Variants in GLIS3 observed in about 807,000 individuals in gnomAD.
GLIS3 encodes GLIS family zinc finger 3, also known as zinc finger protein GLIS3.
In GLIS3, 53 loss-of-function variants were observed where a neutral mutation model predicts 78.6. That is an observed-to-expected ratio of 0.67 (90% confidence interval 0.54 to 0.85). The LOEUF (loss-of-function observed/expected upper bound fraction) is 0.85, where lower values mean the gene tolerates loss of function less well. Ranked by LOEUF, GLIS3 falls within the 40% of genes least tolerant of loss-of-function variation. GLIS3 has a pLI of 0.00. For synonymous variants in GLIS3, 684 were observed against 509.9 expected, an observed-to-expected ratio of 1.34 and a Z score of -4.60; for missense variants, 1,703 against 1,231.1, an observed-to-expected ratio of 1.38 and a Z score of -5.74.
chr9:3,932,293 G>A, intron 6 of GLIS3, 67 bp downstream of exon 6: 2 of 1,237,080 alleles, frequency 1.6e-6, no homozygotes, highest in Non-Finnish European at 2.4e-6. Flanking sequence ...CCCTGCAGAA[G>A]CTTCGTGTAC....
chr9:3,983,599 C>A (rs1420433427), intron 4 of GLIS3, among the ~76,000 whole-genome samples: 1 of 152,144 alleles, frequency 6.6e-6, no homozygotes, highest in Non-Finnish European at 1.5e-5. Context: ...AAAGTCCAGG[C>A]TGAGGTGGTC....
chr9:3,868,005 C>G (rs1820712646), intron 8 of GLIS3, among the ~76,000 whole-genome samples: 1 of 151,874 alleles, frequency 6.6e-6, no homozygotes, highest in African/African-American at 2.4e-5. Context: ...CAGAGGATGA[C>G]ATGGATGTCA....
At chr9:4,381,410 C>G in the GLIS3 span, among the ~76,000 whole-genome samples, 1 of 152,082 alleles carries the variant, frequency 6.6e-6, no homozygotes, top group Non-Finnish European at 1.5e-5. Context: ...TCTTTGGATC[C>G]CCAGAGCCTA....
In GLIS3 at chr9:3,861,717, T is replaced by C. The variant is rs182051363; in HGVS notation, c.2298-5533A>G. On this transcript the variant is annotated intron_variant, in intron 8 of 10. Coordinates refer to ENST00000381971, the MANE Select transcript of GLIS3 (RefSeq NM_001042413.2). Reference sequence around the variant, plus strand: ...ACCAAACACTGAATGTTCTCACTTATAAGTGGGAGCTGAACAATGAGAACA... The same window carrying C: ...ACCAAACACTGAATGTTCTCACTTACAAGTGGGAGCTGAACAATGAGAACA... Among the ~76,000 whole-genome samples the C allele has an allele frequency of 2.9e-3, 436 of 152,232 alleles. 2 individuals are homozygous for C. Among genetic ancestry groups the C allele is most frequent in the African/African-American group, 9.7e-3 (405 of 41,544 alleles).
intron 2 of GLIS3, among the ~76,000 whole-genome samples, chr9:4,126,380 C>T (rs1832578795): frequency 6.6e-6 from 1 of 152,202 alleles, no homozygotes; most frequent in African/African-American, 2.4e-5. Flanking sequence ...CAAATCTGTA[C>T]TTCCAAAAAG....
intron 4 of GLIS3, among the ~76,000 whole-genome samples, chr9:4,019,751 GA>G (rs888273014): frequency 6.6e-6 from 1 of 152,100 alleles, no homozygotes. Flanking sequence ...TTTACTTTTA[GA>G]GACAGTGTCT....
At chr9:3,876,153 A>G (rs988683546) in intron 8 of GLIS3, among the ~76,000 whole-genome samples, 1 of 152,050 alleles carries the variant, frequency 6.6e-6, no homozygotes, top group Non-Finnish European at 1.5e-5. Context: ...AATATTTACA[A>G]TGAATCTGTT....
chr9:3,839,723 C>A (rs530494424), intron 9 of GLIS3, among the ~76,000 whole-genome samples: 1 of 152,236 alleles, frequency 6.6e-6, no homozygotes, highest in African/African-American at 2.4e-5. Flanking sequence ...AGGCTCATGA[C>A]CAAATCAATT....
intron 2 of GLIS3, among the ~76,000 whole-genome samples, chr9:4,207,312 G>C (rs1276851178): frequency 6.6e-6 from 1 of 152,144 alleles, no homozygotes; most frequent in African/African-American, 2.4e-5. Flanking sequence ...ATTTACAACA[G>C]CCAGCATGAC....
intron 2 of GLIS3, among the ~76,000 whole-genome samples, chr9:4,213,943 C>A (rs1220306416): frequency 2.5e-5 from 3 of 119,468 alleles, no homozygotes; most frequent in Non-Finnish European, 1.8e-5. Flanking sequence ...AAAAAAAAAA[C>A]AACTAAAACT....
rs369568556 is a variant in GLIS3 at position 3,889,562 on chromosome 9, T to C, written c.2128+9129A>G. 4.4e-4 allele frequency among the ~76,000 whole-genome samples: 67 copies of C among 152,354 alleles called. 1 individual carries two copies. The highest frequency in any genetic ancestry group is 1.6e-3 in the African/African-American group (66 of 41,586). ...TATTACATGATCCTAAACTGTCTTA[T>C]AATACATTCTCCTCTTTAATTCATT... On this transcript the variant is annotated intron_variant, in intron 7 of 10. Transcript: ENST00000381971.
At chr9:3,949,033 A>C (rs1374428268) in intron 4 of GLIS3, among the ~76,000 whole-genome samples, 2 of 152,230 alleles carry the variant, frequency 1.3e-5, no homozygotes, top group African/African-American at 4.8e-5. Context: ...GTAAGTGAAG[A>C]GCCTCAACTA....
At chr9:3,867,128 G>C (rs1820638997) in intron 8 of GLIS3, among the ~76,000 whole-genome samples, 1 of 152,186 alleles carries the variant, frequency 6.6e-6, no homozygotes, top group Admixed American at 6.5e-5. Context: ...TAACTATATA[G>C]ACTTAACTCT....
rs1817748131 is a variant in GLIS3, at chr9:3,826,741, T to G, written c.*1531A>C. The G allele has an allele frequency of 6.6e-6, 1 of 152,208 alleles. No individual in the cohort carries two copies. The highest frequency in any genetic ancestry group is 2.4e-5 in the African/African-American group (1 of 41,454). The allele number at this position is 152,208 out of a possible 1,614,324, so 9.4% of individuals were successfully genotyped here. A position where few individuals can be genotyped will look rare whatever the true frequency, so the allele number is the denominator to read the frequency against. ...AGAATCCCATCTAACATCAAGCTGT[T>G]TTAGTTGTCTTGTTGAAGATTGTAA... is the stretch of plus-strand genomic sequence containing the variant. On this transcript the variant is annotated 3_prime_UTR_variant, in exon 11 of 11. Transcript: ENST00000381971.
intron 6 of GLIS3, among the ~76,000 whole-genome samples, chr9:3,910,908 C>A (rs1290698505): frequency 6.6e-6 from 1 of 152,234 alleles, no homozygotes; most frequent in East Asian, 1.9e-4. Context: ...CATTCAGCAC[C>A]TTAATTACTC....
chr9:4,107,413 T>C (rs922384782), intron 4 of GLIS3, among the ~76,000 whole-genome samples: 2 of 152,130 alleles, frequency 1.3e-5, no homozygotes, highest in African/African-American at 2.4e-5. Flanking sequence ...GCCTGGATCC[T>C]AAAACCTCTC....
chr9:4,420,289 A>C, the GLIS3 span, among the ~76,000 whole-genome samples: 5 of 152,108 alleles, frequency 3.3e-5, no homozygotes, highest in Non-Finnish European at 7.4e-5. Flanking sequence ...AGTTTTAAGG[A>C]GTTTAAAAAG....
At chr9:4,144,159 C>T (rs751869724) in intron 2 of GLIS3, among the ~76,000 whole-genome samples, 3 of 152,166 alleles carry the variant, frequency 2.0e-5, no homozygotes, top group Non-Finnish European at 4.4e-5. Context: ...TAAATGCTGT[C>T]CTGTCATCTG....
chr9:4,099,451 C>T (rs1830204771), intron 4 of GLIS3, among the ~76,000 whole-genome samples: 1 of 130,294 alleles, frequency 7.7e-6, no homozygotes, highest in Admixed American at 7.3e-5. Flanking sequence ...ATCACCTTCC[C>T]CCAATGCACA....
Sources: gnomAD v4.1 joint callset for allele counts (sites outside exome capture counted in the v4.1 genomes callset) on GRCh38, gnomAD v4.1.1 for gene constraint, MANE v1.5 for transcripts, NCBI Gene and HGNC (gene_info 2026-07-23, HGNC 2026-07-21) for gene names.